EBF1: variants seen among roughly 807,000 people sequenced by gnomAD.
The protein encoded by EBF1 is transcription factor COE1.
Under a neutral mutation model 68.4 loss-of-function variants are expected in EBF1, and 10 were observed. That is an observed-to-expected ratio of 0.15 (90% CI 0.09 to 0.25). EBF1 has a LOEUF of 0.25. Among genes scored for constraint, EBF1 ranks in the 10% least tolerant of loss-of-function variants. The probability of loss-of-function intolerance (pLI) is 1.00; values close to 1 mark genes in which losing one functional copy is unlikely to be tolerated. For synonymous variants in EBF1, 298 were observed against 299.8 expected (o/e 0.99, Z 0.06); for missense variants, 509 against 794.4 (o/e 0.64, Z 4.32).
intron 6 of EBF1, among the ~76,000 whole-genome samples, chr5:158,891,219 C>T (rs140748630): frequency 0.016 from 2,462 of 152,228 alleles, 23 homozygotes; most frequent in Middle Eastern, 0.024. Context: ...TCTCTCTTGC[C>T]ACTGCCTTCT....
intron 10 of EBF1, among the ~76,000 whole-genome samples, chr5:158,755,978 GCTCT>G (rs1769993230): frequency 1.3e-5 from 2 of 152,088 alleles, no homozygotes; most frequent in South Asian, 4.2e-4. Flanking sequence ...TGTTTTTAAG[GCTCT>G]CTTTCTTAAA....
chr5:158,972,701 G>A (rs1561672336), intron 6 of EBF1, among the ~76,000 whole-genome samples: 2 of 152,172 alleles, frequency 1.3e-5, no homozygotes, highest in African/African-American at 2.4e-5. Flanking sequence ...GATGGCTTCC[G>A]ATCTCACTCA....
rs761430479 is a variant in EBF1 at position 158,777,432 on chromosome 5, T to C, written c.1017A>G (p.Pro339=). The change falls in exon 10 of 16, where the codon CCA becomes CCG. Residue 339 remains proline (P), a synonymous_variant. Coordinates refer to ENST00000313708, the MANE Select transcript of EBF1 (RefSeq NM_024007.5). ...TCTTACCTGTATAAATGAATCTGCC[T>C]GGTGTTCCTTTGCAGAACTGCTTAG... ...YKSKQFCKGT[P]GRFIYTALNE... 6.8e-6 allele frequency: 11 copies of C among 1,612,032 alleles called. No homozygotes were observed. The South Asian group carries it at 9.9e-5, about 15-fold the overall frequency.
At chr5:158,822,672 G>A (rs961251503) in intron 8 of EBF1, among the ~76,000 whole-genome samples, 4 of 152,170 alleles carry the variant, frequency 2.6e-5, no homozygotes, top group Admixed American at 6.5e-5. Context: ...CTCCAACCTC[G>A]ACATTGAACC....
At chr5:159,095,473 TG>T in intron 4 of EBF1, 146 bp downstream of exon 4, 1 of 821,662 alleles carries the variant, frequency 1.2e-6, no homozygotes, top group Non-Finnish European at 1.9e-6. Context: ...GAATGGACAC[TG>T]GAAGGCCGTG....
At chr5:159,038,835 T>C (rs1266645686) in intron 6 of EBF1, among the ~76,000 whole-genome samples, 1 of 152,104 alleles carries the variant, frequency 6.6e-6, no homozygotes, top group African/African-American at 2.4e-5. Flanking sequence ...TGGGATGGGG[T>C]AGAAAGAGAT....
intron 4 of EBF1, among the ~76,000 whole-genome samples, chr5:159,087,442 A>G (rs1205269414): frequency 6.7e-6 from 1 of 149,682 alleles, no homozygotes. Flanking sequence ...ATATATATAC[A>G]TATATATATA....
intron 6 of EBF1, among the ~76,000 whole-genome samples, chr5:159,003,631 A>C (rs1762991293): frequency 6.6e-6 from 1 of 152,202 alleles, no homozygotes; most frequent in Non-Finnish European, 1.5e-5. Context: ...CTGTTTTCAG[A>C]ATGTTCTAAT....
At chr5:158,881,046 G>T (rs1261534160) in intron 6 of EBF1, among the ~76,000 whole-genome samples, 2 of 152,162 alleles carry the variant, frequency 1.3e-5, no homozygotes, top group Admixed American at 6.6e-5. Context: ...AGAGAGGAAG[G>T]TTCAGAACAG....
chr5:158,790,735 G>A (rs552322747), intron 9 of EBF1, among the ~76,000 whole-genome samples: 2 of 152,092 alleles, frequency 1.3e-5, no homozygotes, highest in Non-Finnish European at 1.5e-5. Context: ...TCTAGAAGAC[G>A]AATTAGGCCA....
chr5:158,802,816 C>T (rs10040653), intron 8 of EBF1, among the ~76,000 whole-genome samples: 22,638 of 152,110 alleles, frequency 0.15, 2,703 homozygotes, highest in African/African-American at 0.33. Flanking sequence ...TGTTTTGTTG[C>T]TTTACTATGC....
At chr5:159,007,435 T>C (rs1407115175) in intron 6 of EBF1, among the ~76,000 whole-genome samples, 1 of 152,214 alleles carries the variant, frequency 6.6e-6, no homozygotes, top group Non-Finnish European at 1.5e-5. Context: ...AAAATCAACA[T>C]TTAAATTGTG....
intron 6 of EBF1, among the ~76,000 whole-genome samples, chr5:159,073,070 T>C (rs1028005832): frequency 1.3e-5 from 2 of 152,204 alleles, no homozygotes; most frequent in African/African-American, 4.8e-5. Flanking sequence ...CCAACCACAT[T>C]TCATAAATCA....
intron 15 of EBF1, among the ~76,000 whole-genome samples, chr5:158,706,278 G>A (rs141907799): frequency 2.9e-4 from 43 of 148,890 alleles, no homozygotes; most frequent in East Asian, 1.6e-3. Flanking sequence ...TCTGTGGGGC[G>A]CTGAGTCTGG....
intron 6 of EBF1, among the ~76,000 whole-genome samples, chr5:158,916,695 T>G (rs1351084119): frequency 1.3e-5 from 2 of 152,244 alleles, no homozygotes; most frequent in African/African-American, 2.4e-5. Context: ...TACTCTGGGC[T>G]GACTTCCATG....
intron 6 of EBF1, among the ~76,000 whole-genome samples, chr5:158,900,441 G>A (rs1803056233): frequency 6.6e-6 from 1 of 152,212 alleles, no homozygotes; most frequent in Non-Finnish European, 1.5e-5. Context: ...ACTGTCATCG[G>A]AGATGGAGGA....
At chr5:158,941,291 T>A (rs1427624888) in intron 6 of EBF1, 1 of 455,164 alleles carries the variant, frequency 2.2e-6, no homozygotes, top group Non-Finnish European at 4.4e-6. Context: ...CAGGAACACG[T>A]ACAAATACAG....
At chr5:158,719,769 T>C (rs1358639245) in intron 11 of EBF1, among the ~76,000 whole-genome samples, 1 of 152,184 alleles carries the variant, frequency 6.6e-6, no homozygotes, top group Non-Finnish European at 1.5e-5. Context: ...CAACATTAAT[T>C]TTCATGTTTC....
chr5:159,022,651 T>G (rs1026541682), intron 6 of EBF1, among the ~76,000 whole-genome samples: 2 of 152,210 alleles, frequency 1.3e-5, no homozygotes, highest in Admixed American at 1.3e-4. Context: ...CTTTCTGCCT[T>G]GCAGTTTGTA....
Sources: gnomAD v4.1 joint callset for allele counts (sites outside exome capture counted in the v4.1 genomes callset) on GRCh38, gnomAD v4.1.1 for gene constraint, MANE v1.5 for transcripts, NCBI Gene and HGNC (gene_info 2026-07-23, HGNC 2026-07-21) for gene names.